Variants in BSG observed in about 807,000 individuals in gnomAD.
BSG encodes the protein basigin.
In BSG, 37 loss-of-function variants were observed where a neutral mutation model predicts 43.1. The ratio of observed to expected loss-of-function variants is 0.86; its 90% CI spans 0.66 to 1.13. BSG has a LOEUF of 1.13. Among genes scored for constraint, BSG ranks in the 50% most tolerant of loss-of-function variants. The pLI is 0.00. For missense variants in BSG, 599 were observed against 554.2 expected (o/e 1.08, Z -0.81); for synonymous variants, 309 against 238.7 (o/e 1.29, Z -2.72).
chr19:582,210 C>T (rs1286521711), intron 6 of BSG, 96 bp from the exon 7 acceptor site: 1 of 1,528,012 alleles, frequency 6.5e-7, no homozygotes, highest in Non-Finnish European at 8.9e-7. Flanking sequence ...GAGGGCAGGG[C>T]TGGCAGCACA....
rs747308307 is a variant in BSG at position 578,022 on chromosome 19, T to TA, written c.317dup (p.Tyr106Ter). ...GCTCGTGGAGGAGGACACGGGCACT[T>TA]ACGAGTGCCGGGCCAGCAACGACCC... is the stretch of plus-strand genomic sequence containing the variant. ...DTLVEEDTGT[Y>*]ECRASNDPDR... Residue 106 changes from tyrosine (Y) to a stop codon, truncating the protein, a stop_gained and frameshift_variant, in exon 2 of 9, where the codon TAC becomes TAAC. Transcript: ENST00000333511. LOFTEE classifies it high-confidence loss of function. 10 of 1,611,810 alleles carry TA rather than the reference T, an allele frequency of 6.2e-6. No individual in the cohort carries two copies. The African/African-American group carries it at 6.7e-5, about 11-fold the overall frequency.
Position 577,960 on chromosome 19 carries a change from A to G in BSG, c.254A>G (p.Tyr85Cys), listed in dbSNP as rs1484864288. Residue 85 changes from tyrosine (Y) to cysteine (C), a missense_variant, in exon 2 of 9, where the codon TAC becomes TGC. Tyr to Cys is a radical substitution (Grantham distance 194). Coordinates refer to ENST00000333511, the MANE Select transcript of BSG (RefSeq NM_001728.4). Reference sequence around the variant, plus strand: ...GACCGCGTCCACATCCACGCCACCTACCACCAGCACGCGGCCAGCACCATC... The same window carrying G: ...GACCGCGTCCACATCCACGCCACCTGCCACCAGCACGCGGCCAGCACCATC... ...RLDRVHIHAT[Y>C]HQHAASTISI... is the part of the protein sequence containing the mutation. 1.2e-6 allele frequency: 2 copies of G among 1,611,744 alleles called. No individual in the cohort carries two copies. The highest frequency in any genetic ancestry group is 1.7e-6 in the Non-Finnish European group (2 of 1,179,410).
chr19:576,428 C>G (rs1428516043), intron 1 of BSG, among the ~76,000 whole-genome samples: 5 of 152,194 alleles, frequency 3.3e-5, no homozygotes, highest in African/African-American at 1.2e-4. Flanking sequence ...ATCTTAACTC[C>G]CAAGAAATGT....
Position 579,358 on chromosome 19 carries a change from C to G in BSG, c.416-142C>G, listed in dbSNP as rs1351496200. ...CAGAAGTTCCCCTTGGGCCTCCGGT[C>G]CTCGGGGCGTAAGGGCCACGGTGTA... On this transcript the variant is annotated intron_variant, in intron 2 of 8. Coordinates refer to ENST00000333511, the MANE Select transcript of BSG (RefSeq NM_001728.4). 6 of 1,173,494 alleles carry G rather than the reference C, an allele frequency of 5.1e-6. No homozygotes were observed. In the African/African-American group the frequency reaches 7.6e-5, roughly 15 times the overall value. The allele number at this position is 1,173,494 out of a possible 1,614,324, so 72.7% of individuals were successfully genotyped here.
chr19:576,896 G>T (rs1269075141), intron 1 of BSG, among the ~76,000 whole-genome samples: 2 of 152,242 alleles, frequency 1.3e-5, no homozygotes, highest in Non-Finnish European at 2.9e-5. Flanking sequence ...CTGCCACGCA[G>T]CCTCGGAGCC....
Position 580,360 on chromosome 19 carries a change from C to T in BSG, c.573-19C>T, listed in dbSNP as rs1244620548. 12 of 1,608,540 alleles carry T rather than the reference C, an allele frequency of 7.5e-6. No individual in the cohort carries two copies. Among genetic ancestry groups the T allele is most frequent in the Non-Finnish European group, 9.3e-6 (11 of 1,179,116 alleles). On this transcript the variant is annotated intron_variant, in intron 3 of 8. Coordinates refer to ENST00000333511, the MANE Select transcript of BSG (RefSeq NM_001728.4). Reference sequence around the variant, plus strand: ...CCTGCAGAGCTGGTACGCGGCTCACCTGCCTGCTGTGGTTGCAGGGTGGAC... The same window carrying T: ...CCTGCAGAGCTGGTACGCGGCTCACTTGCCTGCTGTGGTTGCAGGGTGGAC...
chr19:582,488 C>T (rs1351185928), intron 7 of BSG, 26 bp from the exon 8 acceptor site: 2 of 1,605,750 alleles, frequency 1.2e-6, no homozygotes, highest in Admixed American at 1.7e-5. Flanking sequence ...GGGGGACACC[C>T]TCTCACCCGG....
intron 1 of BSG, among the ~76,000 whole-genome samples, chr19:574,876 G>A (rs981648759): frequency 6.6e-6 from 1 of 152,206 alleles, no homozygotes; most frequent in Non-Finnish European, 1.5e-5. Flanking sequence ...TGGGTGAGGT[G>A]AGCGCGGAAG....
rs1333080258 is a variant in BSG, at chr19:582,638, C to T, written c.*5+56C>T. 5.1e-6 allele frequency: 7 copies of T among 1,385,868 alleles called. No individual in the cohort carries two copies. In the African/African-American group the frequency reaches 1.0e-4, roughly 20 times the overall value. The allele number at this position is 1,385,868 out of a possible 1,614,324, so 85.8% of individuals were successfully genotyped here. ...GGTGTGGTGGGTGGGTGGGCGGGAA[C>T]TCCTGAGCCAGGTGTGGTGGGCGGG... On this transcript the variant is annotated intron_variant, in intron 8 of 8. Coordinates refer to ENST00000333511, the MANE Select transcript of BSG (RefSeq NM_001728.4).
chr19:579,097 G>C (rs1300523801), intron 2 of BSG: 1 of 462,254 alleles, frequency 2.2e-6, no homozygotes, highest in Non-Finnish European at 4.3e-6. Flanking sequence ...TGCTACAAGA[G>C]CTCGATGCCC....
intron 2 of BSG, chr19:579,050 A>C (rs527594490): frequency 4.4e-6 from 2 of 456,982 alleles, no homozygotes; most frequent in Non-Finnish European, 8.8e-6. Flanking sequence ...CCAGCTGGCT[A>C]CGTTTTTAGA....
chr19:571,354 G>T (rs545869381), upstream of BSG: 1 of 601,566 alleles, frequency 1.7e-6, no homozygotes, highest in Non-Finnish European at 3.0e-6. Flanking sequence ...CTCTTGCATT[G>T]CGACTCCGAG....
rs1461634361 is a variant in BSG at position 580,713 on chromosome 19, C to T, written c.723C>T (p.Val241=). The change falls in exon 5 of 9, where the codon GTC becomes GTT. Residue 241 remains valine, a synonymous_variant. Transcript: ENST00000333511. ...HINEGETAML[V]CKSESVPPVT... Reference sequence around the variant, plus strand: ...ACGAGGGGGAGACGGCCATGCTGGTCTGCAAGTCAGAGTCCGTGCCACCTG... The same window carrying T: ...ACGAGGGGGAGACGGCCATGCTGGTTTGCAAGTCAGAGTCCGTGCCACCTG... 2.5e-6 allele frequency: 4 copies of T among 1,612,882 alleles called. No individual in the cohort carries two copies. The highest frequency in any genetic ancestry group is 2.7e-5 in the African/African-American group (2 of 75,068).
At chr19:571,658 A>G, upstream of BSG, 1 of 769,776 alleles carries the variant, frequency 1.3e-6, no homozygotes, top group Non-Finnish European at 2.4e-6. Flanking sequence ...CGCAAAGAGA[A>G]ACCAGCACTT....
chr19:578,705 C>T (rs1035959727), intron 2 of BSG: 42 of 286,766 alleles, frequency 1.5e-4, no homozygotes, highest in Non-Finnish European at 2.3e-4. Flanking sequence ...GAGAAGGGCA[C>T]GGGAGCCTTG....
At chr19:573,542 CTT>C (rs1555725504) in intron 1 of BSG, among the ~76,000 whole-genome samples, 16 of 152,186 alleles carry the variant, frequency 1.1e-4, no homozygotes, top group Non-Finnish European at 2.9e-5. Flanking sequence ...CTCCCAGACT[CTT>C]AAGACCTCGC....
At chr19:578,787 G>A (rs574441118) in intron 2 of BSG, 8 of 332,044 alleles carry the variant, frequency 2.4e-5, no homozygotes, top group Admixed American at 1.7e-4. Flanking sequence ...GTGGAGTGTG[G>A]TGGCACAATC....
In BSG at chr19:579,551, C is replaced by A; in HGVS notation, c.467C>A (p.Thr156Asn). The change falls in exon 3 of 9, where the codon ACC becomes AAC. Residue 156 changes from threonine to asparagine, a missense_variant. Transcript: ENST00000333511. ...GACCTTGGCTCCAAGATACTCCTCA[C>A]CTGCTCCTTGAATGACAGCGCCACA... ...VEDLGSKILL[T>N]CSLNDSATEV... 6.2e-7 allele frequency: 1 copy of A among 1,612,782 alleles called. No homozygotes were observed. The highest frequency in any genetic ancestry group is 8.5e-7 in the Non-Finnish European group (1 of 1,179,946).
rs1981929563 is a variant in BSG, at chr19:577,998, C to G, written c.292C>G (p.Leu98Val). The G allele has an allele frequency of 6.2e-7, 1 of 1,612,104 alleles. No individual in the cohort carries two copies. The highest frequency in any genetic ancestry group is 1.7e-5 in the Admixed American group (1 of 59,960). ...HAASTISIDT[L>V]VEEDTGTYEC... ...GGCCAGCACCATCTCCATCGACACG[C>G]TCGTGGAGGAGGACACGGGCACTTA... The change falls in exon 2 of 9, where the codon CTC becomes GTC. Residue 98 changes from leucine (L) to valine (V), a missense_variant. Physicochemically the swap from Leu to Val is conservative, Grantham distance 32. Transcript: ENST00000333511.
Sources: allele counts gnomAD v4.1 joint callset (sites outside exome capture counted in the v4.1 genomes callset), GRCh38; gene constraint gnomAD v4.1.1; transcripts MANE v1.5; gene names NCBI Gene and HGNC (gene_info 2026-07-23, HGNC 2026-07-21).